Variants in BTBD9 observed in about 807,000 individuals in gnomAD.
BTBD9 encodes BTB domain containing 9.
A neutral mutation model predicts 64.3 loss-of-function variants in BTBD9; 49 were observed. The observed-to-expected ratio is 0.76, with a 90% CI of 0.61 to 0.97. The LOEUF (loss-of-function observed/expected upper bound fraction) is 0.97. BTBD9 is among the 50% of genes least tolerant of loss of function. The pLI is 0.00. For synonymous variants in BTBD9, 260 were observed against 274.7 expected (o/e 0.95, Z 0.53); for missense variants, 598 against 762.1 (o/e 0.78, Z 2.53).
At chr6:38,509,196 A>T (rs182681307) in intron 6 of BTBD9, among the ~76,000 whole-genome samples, 13 of 152,320 alleles carry the variant, frequency 8.5e-5, no homozygotes, top group Non-Finnish European at 1.9e-4. Flanking sequence ...GAAGGGGGAA[A>T]TGATTATACA....
At chr6:38,436,157 G>A (rs867063284) in intron 6 of BTBD9, among the ~76,000 whole-genome samples, 18 of 151,748 alleles carry the variant, frequency 1.2e-4, no homozygotes, top group Non-Finnish European at 2.1e-4. Flanking sequence ...TTCAATAAAC[G>A]TAAAAAATGA....
chr6:38,272,371 C>A (rs1765226847), intron 8 of BTBD9, among the ~76,000 whole-genome samples: 1 of 152,150 alleles, frequency 6.6e-6, no homozygotes, highest in Admixed American at 6.6e-5. Flanking sequence ...TTGTACAGAT[C>A]TATCCTGTTG....
chr6:38,342,901 C>T (rs901043458), intron 7 of BTBD9, among the ~76,000 whole-genome samples: 3 of 152,160 alleles, frequency 2.0e-5, no homozygotes, highest in Admixed American at 6.5e-5. Flanking sequence ...CAGAGGATAA[C>T]GAAATCCCCC....
intron 8 of BTBD9, among the ~76,000 whole-genome samples, chr6:38,271,555 A>G (rs1186189231): frequency 2.0e-5 from 3 of 152,158 alleles, no homozygotes; most frequent in East Asian, 3.9e-4. Flanking sequence ...TTTGTAAATA[A>G]AGTTTTATTG....
chr6:38,302,536 T>C (rs992769367), intron 7 of BTBD9, among the ~76,000 whole-genome samples: 5 of 142,982 alleles, frequency 3.5e-5, no homozygotes, highest in South Asian at 4.5e-4. Flanking sequence ...ACATTCTCTT[T>C]ATACATTCAT....
intron 6 of BTBD9, among the ~76,000 whole-genome samples, chr6:38,575,759 T>C (rs1486064462): frequency 6.6e-6 from 1 of 152,178 alleles, no homozygotes; most frequent in Non-Finnish European, 1.5e-5. Context: ...TTTCTTGTTA[T>C]CATTATCACT....
At chr6:38,180,973 G>T (rs1308908422) in intron 10 of BTBD9, among the ~76,000 whole-genome samples, 1 of 152,206 alleles carries the variant, frequency 6.6e-6, no homozygotes, top group Non-Finnish European at 1.5e-5. Context: ...ACATACTGGA[G>T]ATAGGCTGGG....
intron 6 of BTBD9, among the ~76,000 whole-genome samples, chr6:38,374,283 G>GTATATATATATACATATATA (rs1554143528): frequency 8.8e-5 from 4 of 45,474 alleles, no homozygotes; most frequent in African/African-American, 6.4e-4. Context: ...AAAAAAAAAA[G>GTATATATATATACATATATA]TATATATATA....
chr6:38,245,442 C>T (rs1299887377), intron 9 of BTBD9, among the ~76,000 whole-genome samples: 3 of 152,088 alleles, frequency 2.0e-5, no homozygotes, highest in African/African-American at 7.2e-5. Flanking sequence ...TGCGCAAAGG[C>T]TCTGTGTGAG....
At chr6:38,439,332 T>G (rs955736513) in intron 6 of BTBD9, among the ~76,000 whole-genome samples, 15 of 151,718 alleles carry the variant, frequency 9.9e-5, no homozygotes, top group African/African-American at 2.7e-4. Context: ...TTCACCATGC[T>G]GGTCAGGCTG....
intron 8 of BTBD9, among the ~76,000 whole-genome samples, chr6:38,267,210 A>T (rs2127541932): frequency 6.6e-6 from 1 of 152,322 alleles, no homozygotes; most frequent in South Asian, 2.1e-4. Context: ...TGTGAATGTA[A>T]AAGGCCAGAA....
intron 5 of BTBD9, 28 bp downstream of exon 5, chr6:38,580,190 C>G (rs781510688): frequency 6.3e-7 from 1 of 1,595,644 alleles, no homozygotes; most frequent in Admixed American, 1.7e-5. Context: ...AACATAATGT[C>G]AGTTTCTAAG....
intron 1 of BTBD9, among the ~76,000 whole-genome samples, chr6:38,609,534 C>A (rs1365653535): frequency 6.6e-6 from 1 of 152,120 alleles, no homozygotes; most frequent in Non-Finnish European, 1.5e-5. Flanking sequence ...TGTACATACA[C>A]TTCACCTACA....
In BTBD9 at chr6:38,288,469, T is replaced by C. The variant is rs372145570; in HGVS notation, c.1265-8A>G. The C allele has an allele frequency of 3.7e-6, 6 of 1,613,176 alleles. No homozygotes were observed. The highest frequency in any genetic ancestry group is 5.1e-6 in the Non-Finnish European group (6 of 1,179,466). ...CAACATTCTCCATGGGAACTGTGAA[T>C]CCAAAAACAAGATTTGGCATCAGGA... On this transcript the variant is annotated splice_polypyrimidine_tract_variant and splice_region_variant and intron_variant, in intron 7 of 10. Transcript: ENST00000481247.
chr6:38,510,578 T>G (rs949694139), intron 6 of BTBD9, among the ~76,000 whole-genome samples: 1 of 152,162 alleles, frequency 6.6e-6, no homozygotes, highest in Non-Finnish European at 1.5e-5. Flanking sequence ...CTTTATAAAC[T>G]TTTAATTTTT....
intron 9 of BTBD9, among the ~76,000 whole-genome samples, chr6:38,198,792 A>G (rs1762356144): frequency 6.6e-6 from 1 of 152,216 alleles, no homozygotes; most frequent in Non-Finnish European, 1.5e-5. Flanking sequence ...GTTTCCCATC[A>G]AATATATGTG....
chr6:38,484,793 T>G (rs945219759), intron 6 of BTBD9, among the ~76,000 whole-genome samples: 1 of 152,216 alleles, frequency 6.6e-6, no homozygotes, highest in Non-Finnish European at 1.5e-5. Flanking sequence ...ATCATCTGAG[T>G]CTCAAGTGAG....
intron 6 of BTBD9, among the ~76,000 whole-genome samples, chr6:38,409,558 C>T (rs1767316546): frequency 6.6e-6 from 1 of 152,140 alleles, no homozygotes; most frequent in Admixed American, 6.5e-5. Context: ...AGCATGGTGG[C>T]TCACGCCTGT....
chr6:38,301,006 T>C (rs1326240862), intron 7 of BTBD9, among the ~76,000 whole-genome samples: 1 of 152,190 alleles, frequency 6.6e-6, no homozygotes, highest in Non-Finnish European at 1.5e-5. Flanking sequence ...TTGTCATAGA[T>C]AGCTCTTATT....
Sources: gnomAD v4.1 joint callset for allele counts (sites outside exome capture counted in the v4.1 genomes callset) on GRCh38, gnomAD v4.1.1 for gene constraint, MANE v1.5 for transcripts, NCBI Gene and HGNC (gene_info 2026-07-23, HGNC 2026-07-21) for gene names.